Variants in OPN5 observed in about 807,000 individuals in gnomAD.
OPN5 encodes opsin-5.
OPN5 carries 18 observed loss-of-function variants against 41.7 expected under a neutral mutation model. The ratio of observed to expected loss-of-function variants is 0.43; its 90% CI spans 0.30 to 0.64. The LOEUF is 0.64. OPN5 is among the 30% of genes least tolerant of loss of function. OPN5 has a pLI of 0.13. For synonymous variants in OPN5, 178 were observed against 164.3 expected (o/e 1.08, Z -0.64); for missense variants, 318 against 434.5 (o/e 0.73, Z 2.38).
chr6:47,786,613 G>A, exon 2 of OPN5: 1 of 1,613,574 alleles, frequency 6.2e-7, no homozygotes, highest in Non-Finnish European at 8.5e-7. Context: ...CAATTTAGCA[G>A]TCTGTGATCT....
chr6:47,791,707 C>T, intron 2 of OPN5, 95 bp from the exon 3 acceptor site: 1 of 937,914 alleles, frequency 1.1e-6, no homozygotes, highest in Non-Finnish European at 1.7e-6. Flanking sequence ...TCACATGTGT[C>T]CCCGTGCTTT....
intron 5 of OPN5, among the ~76,000 whole-genome samples, chr6:47,810,731 T>C (rs1210616591): frequency 6.6e-6 from 1 of 152,168 alleles, no homozygotes; most frequent in Non-Finnish European, 1.5e-5. Flanking sequence ...TCCTCTGAGA[T>C]TTTGGTAGAA....
At chr6:47,821,844 G>C (rs1762633231) in intron 6 of OPN5, among the ~76,000 whole-genome samples, 1 of 152,190 alleles carries the variant, frequency 6.6e-6, no homozygotes, top group Admixed American at 6.5e-5. Flanking sequence ...GCCAGGCATG[G>C]TGGCTCATAC....
intron 6 of OPN5, among the ~76,000 whole-genome samples, chr6:47,816,680 A>G (rs1762438189): frequency 6.6e-6 from 1 of 152,018 alleles, no homozygotes; most frequent in Non-Finnish European, 1.5e-5. Flanking sequence ...TCTCAAACTC[A>G]GGTGCCGTCA....
intron 1 of OPN5, 25 bp from the exon 2 acceptor site, chr6:47,786,490 T>C (rs1294081760): frequency 2.5e-6 from 4 of 1,594,532 alleles, no homozygotes; most frequent in Non-Finnish European, 3.4e-6. Flanking sequence ...GTTTTAACGA[T>C]TGGAATTTTT....
At chr6:47,813,095 C>G (rs1032369579) in intron 6 of OPN5, among the ~76,000 whole-genome samples, 2 of 149,798 alleles carry the variant, frequency 1.3e-5, no homozygotes, top group Middle Eastern at 3.5e-3. Flanking sequence ...ACAACAACAA[C>G]AACAACAACA....
chr6:47,818,562 A>G (rs1393027765), intron 6 of OPN5, among the ~76,000 whole-genome samples: 1 of 152,190 alleles, frequency 6.6e-6, no homozygotes, highest in Non-Finnish European at 1.5e-5. Flanking sequence ...GATAATCTCA[A>G]TCTGCAGTTG....
At chr6:47,799,581 C>T (rs974465629) in intron 4 of OPN5, among the ~76,000 whole-genome samples, 3 of 152,158 alleles carry the variant, frequency 2.0e-5, no homozygotes, top group Non-Finnish European at 1.5e-5. Context: ...TCTTTAGGCT[C>T]ATCAGCACTG....
At chr6:47,810,955 T>G (rs1774173712) in intron 5 of OPN5, among the ~76,000 whole-genome samples, 1 of 152,194 alleles carries the variant, frequency 6.6e-6, no homozygotes, top group African/African-American at 2.4e-5. Context: ...GGTCTTGAGC[T>G]TCCGTTGTTT....
chr6:47,813,528 A>G (rs1762328692), intron 6 of OPN5, among the ~76,000 whole-genome samples: 2 of 152,102 alleles, frequency 1.3e-5, no homozygotes, highest in Admixed American at 1.3e-4. Flanking sequence ...TCAGACTCCA[A>G]AGGCTTTGTT....
At chr6:47,794,408 A>G (rs1444601512) in intron 3 of OPN5, among the ~76,000 whole-genome samples, 1 of 152,174 alleles carries the variant, frequency 6.6e-6, no homozygotes. Flanking sequence ...GCTGCACTAA[A>G]TCAGGCCGAC....
chr6:47,784,681 A>C (rs763754562), intron 1 of OPN5, among the ~76,000 whole-genome samples: 1 of 152,200 alleles, frequency 6.6e-6, no homozygotes, highest in Non-Finnish European at 1.5e-5. Flanking sequence ...TAGAAGTCTT[A>C]AGAGACAATG....
intron 4 of OPN5, among the ~76,000 whole-genome samples, chr6:47,797,210 G>A (rs889374424): frequency 2.6e-5 from 4 of 152,128 alleles, no homozygotes; most frequent in Non-Finnish European, 5.9e-5. Context: ...GGCTCCAGTT[G>A]ACTGTTATGC....
chr6:47,820,571 G>A (rs1762591545), intron 6 of OPN5, among the ~76,000 whole-genome samples: 2 of 152,144 alleles, frequency 1.3e-5, no homozygotes, highest in African/African-American at 4.8e-5. Flanking sequence ...GGAGTCGGGA[G>A]GTCCTAGACC....
chr6:47,824,509 G>A (rs960313454), exon 7 of OPN5: 1 of 155,184 alleles, frequency 6.4e-6, no homozygotes, highest in African/African-American at 2.4e-5. Flanking sequence ...AGCATCATCA[G>A]TAGGGTTTGT....
chr6:47,788,040 A>G (rs1773246829), intron 2 of OPN5, among the ~76,000 whole-genome samples: 1 of 152,222 alleles, frequency 6.6e-6, no homozygotes, highest in Non-Finnish European at 1.5e-5. Context: ...CAGAGTTTGG[A>G]TGGTCTTGGT....
intron 6 of OPN5, among the ~76,000 whole-genome samples, chr6:47,820,289 A>G (rs887616751): frequency 6.6e-6 from 1 of 152,152 alleles, no homozygotes; most frequent in Non-Finnish European, 1.5e-5. Context: ...GTCCCCTATT[A>G]GGAAACTGAG....
chr6:47,812,726 G>A (rs570697534), intron 6 of OPN5, among the ~76,000 whole-genome samples: 6 of 152,242 alleles, frequency 3.9e-5, no homozygotes, highest in Middle Eastern at 3.4e-3. Flanking sequence ...GACTAGACAG[G>A]TGTTCTCTAT....
rs1773491593 is a variant in OPN5, at chr6:47,794,854, G to T, written c.422-375G>T. 1.7e-5 allele frequency: 3 copies of T among 179,202 alleles called. No homozygotes were observed. The South Asian group carries it at 4.9e-4, about 29-fold the overall frequency. 11.1% of individuals were successfully genotyped at this position (179,202 alleles called of 1,614,324 possible). ...TTTAAAGACACAAGCCATGTTTTGT[G>T]CTTCCTCACCTCCCAGAAGGATTTT... On this transcript the variant is annotated intron_variant, in intron 3 of 6. Transcript: ENST00000371211.
Sources: allele counts gnomAD v4.1 joint callset (sites outside exome capture counted in the v4.1 genomes callset), GRCh38; gene constraint gnomAD v4.1.1; transcripts MANE v1.5; gene names NCBI Gene and HGNC (gene_info 2026-07-23, HGNC 2026-07-21).